HIPK3: variants seen among roughly 807,000 people sequenced by gnomAD.
HIPK3 encodes the protein homeodomain interacting protein kinase 3.
HIPK3 carries 47 observed loss-of-function variants against 124.2 expected under a neutral mutation model. The ratio of observed to expected loss-of-function variants is 0.38; its 90% CI spans 0.30 to 0.48. HIPK3 has a LOEUF of 0.48. Ranked by LOEUF, HIPK3 falls within the 20% of genes least tolerant of loss-of-function variation. The probability of loss-of-function intolerance (pLI) is 0.98; values close to 1 mark genes in which losing one functional copy is unlikely to be tolerated. For missense variants in HIPK3, 1,286 were observed against 1,454.3 expected (o/e 0.88, Z 1.88); for synonymous variants, 482 against 515.2 (o/e 0.94, Z 0.87).
chr11:33,335,668 A>G (rs1853121650), intron 3 of HIPK3: 1 of 151,936 alleles, frequency 6.6e-6, no homozygotes, highest in Non-Finnish European at 1.5e-5. Flanking sequence ...GATAGAAGAT[A>G]TTGAACATTT....
At chr11:33,302,556 G>A (rs1362058559) in intron 2 of HIPK3, among the ~76,000 whole-genome samples, 3 of 152,054 alleles carry the variant, frequency 2.0e-5, no homozygotes, top group South Asian at 2.1e-4. Context: ...GGGTGGTCTC[G>A]AACTCCTGAC....
chr11:33,298,884 T>A (rs1222589680), intron 2 of HIPK3, among the ~76,000 whole-genome samples: 3 of 152,136 alleles, frequency 2.0e-5, no homozygotes, highest in Non-Finnish European at 4.4e-5. Flanking sequence ...GGAGTCTGTG[T>A]TGCCCAGGCT....
intron 2 of HIPK3, among the ~76,000 whole-genome samples, chr11:33,318,228 T>A (rs1165910422): frequency 1.3e-5 from 2 of 152,192 alleles, no homozygotes; most frequent in East Asian, 1.9e-4. Context: ...TTCTTAAATT[T>A]TTTTTATTTT....
At chr11:33,320,383 A>C (rs2133956910) in intron 2 of HIPK3, among the ~76,000 whole-genome samples, 1 of 152,316 alleles carries the variant, frequency 6.6e-6, no homozygotes, top group East Asian at 1.9e-4. Context: ...GAGTGGTAAC[A>C]GTAAAGGTGG....
Position 33,347,677 on chromosome 11 carries a change from G to C in HIPK3, c.2068G>C (p.Val690Leu). The C allele has an allele frequency of 6.2e-7, 1 of 1,614,170 alleles. No individual in the cohort carries two copies. Among genetic ancestry groups the C allele is most frequent in the African/African-American group, 1.3e-5 (1 of 75,046 alleles). Residue 690 changes from valine to leucine, a missense_variant, in exon 10 of 17, where the codon GTG becomes CTG. Val to Leu is a conservative substitution (Grantham distance 32, BLOSUM62 1). This residue lies in a region of HIPK3 where 810 missense variants were observed against 864.9 expected (regional missense o/e 0.94). Transcript: ENST00000303296. ...GATGCTGGTGCCTGCCTGGCAACAG[G>C]TGACACCCCTGGCTCCTGCTACTAC... ...QQMLVPAWQQVTPLAPATTTL... is the reference protein window; with the variant it reads ...QQMLVPAWQQLTPLAPATTTL...
At chr11:33,350,511 TA>T (rs530470962) in intron 14 of HIPK3, among the ~76,000 whole-genome samples, 6,897 of 132,062 alleles carry the variant, frequency 0.052, 181 homozygotes, top group African/African-American at 0.1. Context: ...TACCAAAAAT[TA>T]AAAAAAAAAA....
chr11:33,305,630 C>G (rs1410850495), intron 2 of HIPK3, among the ~76,000 whole-genome samples: 1 of 152,190 alleles, frequency 6.6e-6, no homozygotes, highest in Admixed American at 6.5e-5. Flanking sequence ...GATTTGAGCT[C>G]AGTTGTGGAT....
intron 3 of HIPK3, among the ~76,000 whole-genome samples, chr11:33,334,478 G>C (rs184155409): frequency 4.6e-5 from 7 of 152,188 alleles, no homozygotes; most frequent in Non-Finnish European, 7.4e-5. Context: ...GAATATAAAA[G>C]GGCAGGGAAT....
At chr11:33,281,087 T>A (rs1464486838) in intron 1 of HIPK3, among the ~76,000 whole-genome samples, 1 of 145,388 alleles carries the variant, frequency 6.9e-6, no homozygotes, top group African/African-American at 2.6e-5. Flanking sequence ...TTTTTTTTTT[T>A]AAGGCAGAGT....
rs180731467 is a variant in HIPK3 at position 33,351,936 on chromosome 11, A to T, written c.3043+93A>T. ...ATGCAGTTGCCAAAGTCATCTCTGA[A>T]TTTTGACTTGACCCTGCCTTATGTA... On this transcript the variant is annotated intron_variant, in intron 15 of 16. Coordinates refer to ENST00000303296, the MANE Select transcript of HIPK3 (RefSeq NM_005734.5). 116 of 1,156,354 alleles carry T rather than the reference A, an allele frequency of 1.0e-4. 1 individual carries two copies. The Admixed American group carries it at 1.1e-3, about 11-fold the overall frequency. The allele number at this position is 1,156,354 out of a possible 1,614,324, so 71.6% of individuals were successfully genotyped here.
At chr11:33,258,090 T>TG (rs1850716068) in intron 1 of HIPK3, among the ~76,000 whole-genome samples, 1 of 151,936 alleles carries the variant, frequency 6.6e-6, no homozygotes, top group African/African-American at 2.4e-5. Flanking sequence ...GCCCCTGCAG[T>TG]GTGGCCCGGT....
chr11:33,345,682 A>C (rs1314601685), intron 8 of HIPK3, among the ~76,000 whole-genome samples: 1 of 151,782 alleles, frequency 6.6e-6, no homozygotes, highest in Non-Finnish European at 1.5e-5. Flanking sequence ...GGGTGTGCTT[A>C]TATTCCATGT....
chr11:33,267,045 T>G (rs773223402), intron 1 of HIPK3, among the ~76,000 whole-genome samples: 2 of 152,154 alleles, frequency 1.3e-5, no homozygotes, highest in Non-Finnish European at 2.9e-5. Context: ...TTCTCCTAAA[T>G]TTAGAATGTA....
chr11:33,290,018 A>G (rs1851658062), intron 2 of HIPK3, among the ~76,000 whole-genome samples: 1 of 152,178 alleles, frequency 6.6e-6, no homozygotes, highest in Non-Finnish European at 1.5e-5. Context: ...TCCATTGTGT[A>G]TATATGTATC....
At chr11:33,350,025 A>C (rs1271804664) in intron 14 of HIPK3, among the ~76,000 whole-genome samples, 2 of 152,196 alleles carry the variant, frequency 1.3e-5, no homozygotes, top group African/African-American at 4.8e-5. Flanking sequence ...TCAGCCTCCC[A>C]AAATGCTAGG....
At chr11:33,259,156 A>G (rs925680489) in intron 1 of HIPK3, among the ~76,000 whole-genome samples, 6 of 152,164 alleles carry the variant, frequency 3.9e-5, no homozygotes, top group African/African-American at 1.2e-4. Flanking sequence ...TATTCATTCA[A>G]ACCATCTCAG....
intron 2 of HIPK3, among the ~76,000 whole-genome samples, chr11:33,314,654 T>G (rs955827302): frequency 2.0e-5 from 3 of 151,520 alleles, no homozygotes; most frequent in African/African-American, 7.3e-5. Flanking sequence ...AGACTCCATC[T>G]CACACACACA....
At chr11:33,340,667 G>A (rs554006734) in intron 6 of HIPK3, among the ~76,000 whole-genome samples, 12 of 149,568 alleles carry the variant, frequency 8.0e-5, no homozygotes, top group Admixed American at 1.3e-4. Context: ...TGGAGATCTC[G>A]AAATTTCGGA....
chr11:33,259,676 A>G (rs1590330987), intron 1 of HIPK3, among the ~76,000 whole-genome samples: 1 of 151,360 alleles, frequency 6.6e-6, no homozygotes, highest in Non-Finnish European at 1.5e-5. Context: ...CTTTTTTGAA[A>G]TTTACTTATT....
Sources: gnomAD v4.1 joint callset for allele counts (sites outside exome capture counted in the v4.1 genomes callset) on GRCh38, gnomAD v4.1.1 for gene constraint, gnomAD v4.1.1 regional missense constraint, MANE v1.5 for transcripts, NCBI Gene and HGNC (gene_info 2026-07-23, HGNC 2026-07-21) for gene names.